Variants in ANKRD66 observed in about 807,000 individuals in gnomAD.
The protein encoded by ANKRD66 is ankyrin repeat domain-containing protein 66.
In ANKRD66, 10 loss-of-function variants were observed where a neutral mutation model predicts 10.9. The ratio of observed to expected loss-of-function variants is 0.91; its 90% CI spans 0.56 to 1.55. The LOEUF (loss-of-function observed/expected upper bound fraction) is 1.55. Ranked by LOEUF, ANKRD66 falls within the 40% of genes most tolerant of loss-of-function variation. The probability of loss-of-function intolerance (pLI) is 0.00; values close to 1 mark genes in which losing one functional copy is unlikely to be tolerated. For synonymous variants in ANKRD66, 85 were observed against 88.4 expected (o/e 0.96, Z 0.22); for missense variants, 252 against 242.9 (o/e 1.04, Z -0.25).
chr6:46,759,233 A>G lies in ANKRD66; in HGVS notation c.*312A>G, dbSNP rs1766436468. On this transcript the variant is annotated 3_prime_UTR_variant, in exon 5 of 5. Coordinates refer to ENST00000565422, the MANE Select transcript of ANKRD66 (RefSeq NM_001162435.3). ...AGACAAGGAAACTCTGGCATGAATT[A>G]ACTTCATCCCTGATAACGATCGAGA... 1 of 220,534 alleles carries G rather than the reference A, an allele frequency of 4.5e-6. No individual in the cohort carries two copies. The highest frequency in any genetic ancestry group is 8.8e-6 in the Non-Finnish European group (1 of 113,634). The allele number at this position is 220,534 out of a possible 1,614,324, so 13.7% of individuals were successfully genotyped here. A position where few individuals can be genotyped will look rare whatever the true frequency, so the allele number is the denominator to read the frequency against.
chr6:46,755,808 A>G (rs1766371747), intron 4 of ANKRD66, among the ~76,000 whole-genome samples: 1 of 152,174 alleles, frequency 6.6e-6, no homozygotes, highest in South Asian at 2.1e-4. Flanking sequence ...ACTTTTTTTA[A>G]TCCAAAAGGA....
Position 46,758,955 on chromosome 6 carries a change from T to C in ANKRD66, c.*34T>C, listed in dbSNP as rs776615041. The C allele has an allele frequency of 8.6e-6, 13 of 1,507,772 alleles. No homozygotes were observed. Among genetic ancestry groups the C allele is most frequent in the Non-Finnish European group, 1.2e-5 (13 of 1,123,634 alleles). 93.4% of individuals were successfully genotyped at this position (1,507,772 alleles called of 1,614,324 possible). ...CCTTATGTTTTCTGGCAAGGAACTTTCCCTGGTGCCAGAAATGAGGCTGTT... is the reference window on the plus strand; with the variant it reads ...CCTTATGTTTTCTGGCAAGGAACTTCCCCTGGTGCCAGAAATGAGGCTGTT... On this transcript the variant is annotated 3_prime_UTR_variant, in exon 5 of 5. Transcript: ENST00000565422.
In ANKRD66 at chr6:46,749,564, CCCCGCTT is replaced by C. The variant is rs1487272384; in HGVS notation, c.-96-331_-96-325del. ...TTCTCTTTTATTCCCCCCCCCCCCC[CCCCGCTT>C]TTTTCTTTTCCTCTTGGCATAAAAA... On this transcript the variant is annotated intron_variant, in intron 1 of 4. Transcript: ENST00000565422. 4.3e-3 allele frequency among the ~76,000 whole-genome samples: 501 copies of C among 115,742 alleles called. 8 individuals are homozygous for C. Among genetic ancestry groups the C allele is most frequent in the African/African-American group, 0.016 (475 of 29,650 alleles). The allele number at this position is 115,742 out of a possible 152,430, so 75.9% of individuals were successfully genotyped here. A position where few individuals can be genotyped will look rare whatever the true frequency, so the allele number is the denominator to read the frequency against.
At chr6:46,758,607 G>T in intron 4 of ANKRD66, 116 bp from the exon 5 acceptor site, 1 of 944,396 alleles carries the variant, frequency 1.1e-6, no homozygotes, top group Non-Finnish European at 1.5e-6. Context: ...GCTCAAACTT[G>T]GCCTCCTTCC....
chr6:46,749,935 A>G lies in ANKRD66; in HGVS notation c.-57A>G. The G allele has an allele frequency of 1.3e-6, 2 of 1,548,072 alleles. No homozygotes were observed. The highest frequency in any genetic ancestry group is 1.2e-5 in the South Asian group (1 of 83,964). ...TTCAATGCACTCACCTGGAGGGCTT[A>G]CCACAACAAAGATGGCCGGACCCCT... On this transcript the variant is annotated 5_prime_UTR_variant, in exon 2 of 5. Coordinates refer to ENST00000565422, the MANE Select transcript of ANKRD66 (RefSeq NM_001162435.3).
rs991038280 is a variant in ANKRD66, at chr6:46,758,732, C to G, written c.402C>G (p.Pro134=). The change falls in exon 5 of 5, where the codon CCC becomes CCG. Residue 134 remains proline (P), a synonymous_variant. Transcript: ENST00000565422. The stretch of plus-strand genomic sequence containing the variant: ...CTCTCTTCTTTCCTAGGGCAGAGCC[C>G]GAGTGCCAGGACCACCGTTGCGCTG... The part of the protein sequence containing the change: ...ACVAFLEKAE[P]ECQDHRCAAQ... The G allele has an allele frequency of 6.5e-7, 1 of 1,548,122 alleles. No individual in the cohort carries two copies. Among genetic ancestry groups the G allele is most frequent in the Admixed American group, 2.0e-5 (1 of 50,650 alleles).
chr6:46,758,620 C>T, intron 4 of ANKRD66, 103 bp from the exon 5 acceptor site: 1 of 1,162,204 alleles, frequency 8.6e-7, no homozygotes, highest in South Asian at 2.1e-5. Flanking sequence ...CTCCTTCCTT[C>T]TCAACTGAAC....
intron 4 of ANKRD66, among the ~76,000 whole-genome samples, chr6:46,755,630 T>C (rs1289568157): frequency 6.6e-6 from 1 of 152,246 alleles, no homozygotes; most frequent in Admixed American, 6.5e-5. Context: ...GTTACATCTT[T>C]ACGGTTTCTC....
intron 4 of ANKRD66, chr6:46,758,489 T>C: frequency 2.6e-6 from 1 of 387,618 alleles, no homozygotes; most frequent in Admixed American, 4.3e-5. Flanking sequence ...TCAAGCTGAG[T>C]GACTATCTTT....
intron 2 of ANKRD66, among the ~76,000 whole-genome samples, chr6:46,751,010 T>C (rs1393868633): frequency 6.6e-6 from 1 of 152,226 alleles, no homozygotes; most frequent in Non-Finnish European, 1.5e-5. Context: ...CATTTCATTG[T>C]ACAATATTCT....
intron 4 of ANKRD66, among the ~76,000 whole-genome samples, chr6:46,754,873 A>T (rs1264754025): frequency 6.6e-6 from 1 of 152,216 alleles, no homozygotes; most frequent in African/African-American, 2.4e-5. Context: ...CCTGACTCAC[A>T]GATTCACTTT....
rs1375008135 is a variant in ANKRD66, at chr6:46,758,956, C to A, written c.*35C>A. ...CTTATGTTTTCTGGCAAGGAACTTT[C>A]CCTGGTGCCAGAAATGAGGCTGTTA... On this transcript the variant is annotated 3_prime_UTR_variant, in exon 5 of 5. Coordinates refer to ENST00000565422, the MANE Select transcript of ANKRD66 (RefSeq NM_001162435.3). 24 of 1,506,752 alleles carry A rather than the reference C, an allele frequency of 1.6e-5. No individual in the cohort carries two copies. The highest frequency in any genetic ancestry group is 2.1e-5 in the Non-Finnish European group (24 of 1,122,994). The allele number at this position is 1,506,752 out of a possible 1,614,324, so 93.3% of individuals were successfully genotyped here. A position where few individuals can be genotyped will look rare whatever the true frequency, so the allele number is the denominator to read the frequency against.
At chr6:46,749,036 C>T (rs767588838) in intron 1 of ANKRD66, among the ~76,000 whole-genome samples, 5 of 152,206 alleles carry the variant, frequency 3.3e-5, no homozygotes, top group African/African-American at 4.8e-5. Context: ...CTTTCGTAGG[C>T]CCGTGGTCAC....
At position 46,753,950 on chromosome 6, in the gene ANKRD66, A is replaced by G; in HGVS notation, c.392A>G (p.Lys131Arg). ...GQKACVAFLE[K>R]AEPECQDHRC... ...AAAGCCTGTGTGGCATTTCTGGAAAAGTAAGTTTATTTTTTTTCCACCTAT... is the reference window on the plus strand; with the variant it reads ...AAAGCCTGTGTGGCATTTCTGGAAAGGTAAGTTTATTTTTTTTCCACCTAT... The change falls in exon 4 of 5, where the codon AAG (lysine) becomes AGG (arginine). Residue 131 changes from lysine (K) to arginine (R), a missense_variant and splice_region_variant. Transcript: ENST00000565422. The G allele has an allele frequency of 1.3e-6, 2 of 1,550,606 alleles. No individual in the cohort carries two copies. The highest frequency in any genetic ancestry group is 1.7e-6 in the Non-Finnish European group (2 of 1,146,366).
chr6:46,747,233 GCAAA>G (rs944893908), intron 1 of ANKRD66, among the ~76,000 whole-genome samples: 7 of 152,172 alleles, frequency 4.6e-5, no homozygotes, highest in African/African-American at 1.7e-4. Context: ...TATATTTTCT[GCAAA>G]CAAATTGTGT....
intron 2 of ANKRD66, among the ~76,000 whole-genome samples, chr6:46,751,146 G>A (rs1489653876): frequency 1.3e-5 from 2 of 152,174 alleles, no homozygotes; most frequent in East Asian, 1.9e-4. Flanking sequence ...GTGGTGAATG[G>A]CATGATTCCA....
chr6:46,758,677 C>T, intron 4 of ANKRD66, 46 bp from the exon 5 acceptor site: 1 of 1,493,012 alleles, frequency 6.7e-7, no homozygotes, highest in Non-Finnish European at 8.9e-7. Flanking sequence ...CAGGCTGGAA[C>T]AGGTCCTCCT....
chr6:46,755,472 A>G (rs1470555273), intron 4 of ANKRD66, among the ~76,000 whole-genome samples: 2 of 152,208 alleles, frequency 1.3e-5, no homozygotes, highest in Non-Finnish European at 2.9e-5. Flanking sequence ...ACATTTTTCA[A>G]GTCTCACACC....
At chr6:46,753,601 C>T in intron 3 of ANKRD66, 121 bp from the exon 4 acceptor site, 1 of 891,922 alleles carries the variant, frequency 1.1e-6, no homozygotes, top group Non-Finnish European at 1.7e-6. Context: ...TGATAGGAAA[C>T]TGGAGGCTCC....
Sources: allele counts gnomAD v4.1 joint callset (sites outside exome capture counted in the v4.1 genomes callset), GRCh38; gene constraint gnomAD v4.1.1; transcripts MANE v1.5; gene names NCBI Gene and HGNC (gene_info 2026-07-23, HGNC 2026-07-21).